NR2F2: variants seen among roughly 807,000 people sequenced by gnomAD.
NR2F2 encodes the protein nuclear receptor subfamily 2 group F member 2, also known as COUP transcription factor 2.
In NR2F2, 2 loss-of-function variants were observed where a neutral mutation model predicts 34.8. The ratio of observed to expected loss-of-function variants is 0.06; its 90% CI spans 0.02 to 0.18. NR2F2 has a LOEUF of 0.18. Ranked by LOEUF, NR2F2 falls within the 10% of genes least tolerant of loss-of-function variation. NR2F2 has a pLI of 1.00. For missense variants in NR2F2, 300 were observed against 580.1 expected, an observed-to-expected ratio of 0.52 and a Z score of 4.96; for synonymous variants, 274 against 251.8, an observed-to-expected ratio of 1.09 and a Z score of -0.84.
In NR2F2 at chr15:96,330,780, T is replaced by TGATTCTCTGTTC; in HGVS notation, c.-1325_-1314dup. 1 of 970,672 alleles carries TGATTCTCTGTTC rather than the reference T, an allele frequency of 1.0e-6. No individual in the cohort carries two copies. The highest frequency in any genetic ancestry group is 1.3e-6 in the Non-Finnish European group (1 of 783,842). The allele number at this position is 970,672 out of a possible 1,614,324, so 60.1% of individuals were successfully genotyped here. On this transcript the variant is annotated 5_prime_UTR_variant, in exon 1 of 3. Coordinates refer to ENST00000394166, the MANE Select transcript of NR2F2 (RefSeq NM_021005.4). ...CCCTTTTTAGCATATTTGATCACTT[T>TGATTCTCTGTTC]GATTCTCTGTTCTTTTCTCTCCGCG...
At chr15:96,329,169 C>T (rs1207937851), upstream of NR2F2, among the ~76,000 whole-genome samples, 1 of 151,792 alleles carries the variant, frequency 6.6e-6, no homozygotes, top group East Asian at 1.9e-4. Flanking sequence ...GTTGGTTTAC[C>T]GGCATGAGGT....
chr15:96,327,851 A>G (rs1252816378), upstream of NR2F2, among the ~76,000 whole-genome samples: 3 of 152,148 alleles, frequency 2.0e-5, no homozygotes, highest in Non-Finnish European at 4.4e-5. Context: ...TTTCTTTTTT[A>G]GATTAGGGCA....
In NR2F2 at chr15:96,332,221, C is replaced by A. The variant is rs1161001624; in HGVS notation, c.116C>A (p.Thr39Lys). 6.6e-7 allele frequency: 1 copy of A among 1,519,076 alleles called. No homozygotes were observed. The highest frequency in any genetic ancestry group is 2.0e-5 in the Admixed American group (1 of 49,450). The allele number at this position is 1,519,076 out of a possible 1,614,324, so 94.1% of individuals were successfully genotyped here. A position where few individuals can be genotyped will look rare whatever the true frequency, so the allele number is the denominator to read the frequency against. ...VPGPPPGAPH[T>K]PQTPGQGGPA... ...GGCCCGCCGCCCGGCGCCCCGCACA[C>A]GCCACAGACGCCCGGCCAAGGGGGC... Residue 39 changes from threonine (T) to lysine (K), a missense_variant, in exon 1 of 3, where the codon ACG (threonine) becomes AAG (lysine). By Grantham distance (78) the Thr-to-Lys change is moderately conservative. Transcript: ENST00000394166.
Position 96,334,591 on chromosome 15 carries a change from C to T in NR2F2, c.958C>T (p.Leu320=), listed in dbSNP as rs1596428579. 4.4e-6 allele frequency: 7 copies of T among 1,599,382 alleles called. No homozygotes were observed. The African/African-American group carries it at 5.4e-5, about 12-fold the overall frequency. The part of the protein sequence containing the change: ...AEYSCLKAIV[L]FTSDACGLSD... ...GTACAGCTGCCTCAAGGCCATAGTC[C>T]TGTTCACCTCAGGTAGGAAGGAGCC... is the stretch of plus-strand genomic sequence containing the variant. Residue 320 remains leucine (L), a synonymous_variant, in exon 2 of 3, where the codon CTG becomes TTG. Transcript: ENST00000394166.
upstream of NR2F2, among the ~76,000 whole-genome samples, chr15:96,330,493 T>C (rs1179135374): frequency 8.7e-6 from 1 of 114,528 alleles, no homozygotes; most frequent in East Asian, 2.9e-4. Context: ...GCGACGCCGC[T>C]CGCGCTAGGA....
upstream of NR2F2, among the ~76,000 whole-genome samples, chr15:96,328,013 C>T (rs1317204793): frequency 6.6e-6 from 1 of 152,198 alleles, no homozygotes; most frequent in African/African-American, 2.4e-5. Flanking sequence ...ACCTTAGACG[C>T]ACAGCAAGTG....
chr15:96,334,643 A>G (rs775491314), intron 2 of NR2F2, 40 bp downstream of exon 2: 30 of 1,543,872 alleles, frequency 1.9e-5, no homozygotes, highest in Non-Finnish European at 2.4e-5. Flanking sequence ...ACGGGCTCCT[A>G]GCCCAGAGCT....
rs962172505 is a variant in NR2F2, at chr15:96,332,022, G to A, written c.-84G>A. On this transcript the variant is annotated 5_prime_UTR_variant, in exon 1 of 3. Coordinates refer to ENST00000394166, the MANE Select transcript of NR2F2 (RefSeq NM_021005.4). ...CGCACACACAAAAGGCGGCGCGCCG[G>A]AGCCCGAGACCCGGGGAGCCGCCGC... is the stretch of plus-strand genomic sequence containing the variant. 3 of 1,230,606 alleles carry A rather than the reference G, an allele frequency of 2.4e-6. No homozygotes were observed. The highest frequency in any genetic ancestry group is 1.6e-5 in the African/African-American group (1 of 63,210). The allele number at this position is 1,230,606 out of a possible 1,614,324, so 76.2% of individuals were successfully genotyped here.
chr15:96,332,906 C>T (rs2141167406), intron 1 of NR2F2, among the ~76,000 whole-genome samples: 1 of 147,648 alleles, frequency 6.8e-6, no homozygotes, highest in East Asian at 2.0e-4. Flanking sequence ...CAACATGTCC[C>T]TCCCCCTCAC....
rs1474147673 is a variant in NR2F2, at chr15:96,337,377, G to C, written c.1000G>C (p.Val334Leu). The C allele has an allele frequency of 4.3e-6, 7 of 1,614,030 alleles. No homozygotes were observed. Among genetic ancestry groups the C allele is most frequent in the Non-Finnish European group, 5.9e-6 (7 of 1,180,012 alleles). Reference sequence around the variant, plus strand: ...CTGTGGTCTCTCTGATGTAGCCCATGTGGAAAGCTTGCAGGAAAAGTCTCA... The same window carrying C: ...CTGTGGTCTCTCTGATGTAGCCCATCTGGAAAGCTTGCAGGAAAAGTCTCA... ...DACGLSDVAH[V>L]ESLQEKSQCA... Residue 334 changes from valine to leucine, a missense_variant, in exon 3 of 3, where the codon GTG becomes CTG. Val to Leu is a conservative substitution (Grantham distance 32). This residue lies in a region of NR2F2 where 164 missense variants were observed against 365.3 expected (regional missense o/e 0.45). Coordinates refer to ENST00000394166, the MANE Select transcript of NR2F2 (RefSeq NM_021005.4).
upstream of NR2F2, among the ~76,000 whole-genome samples, chr15:96,330,400 T>TCGGCGGCGGCGG (rs560453342): frequency 2.0e-4 from 29 of 143,398 alleles, no homozygotes; most frequent in East Asian, 4.5e-4. Flanking sequence ...CATCCCCCTC[T>TCGGCGGCGGCGG]CGGCGGCGGC....
At chr15:96,327,154 G>A (rs1340854728), upstream of NR2F2, 1 of 149,964 alleles carries the variant, frequency 6.7e-6, no homozygotes, top group African/African-American at 2.5e-5. Flanking sequence ...AGGAGGGGGT[G>A]AGGGGGACGC....
At position 96,331,418 on chromosome 15, in the gene NR2F2, G is replaced by C. The variant is rs1899137589; in HGVS notation, c.-688G>C. ...CGCCGGCCTCCGCCCCGGCCTGCCT[G>C]GCTCCCTGGGCGCGCCCGCACCCGG... On this transcript the variant is annotated 5_prime_UTR_variant, in exon 1 of 3. Transcript: ENST00000394166. 8.1e-7 allele frequency: 1 copy of C among 1,231,020 alleles called. No individual in the cohort carries two copies. The highest frequency in any genetic ancestry group is 1.6e-5 in the African/African-American group (1 of 64,278). 76.3% of individuals were successfully genotyped at this position (1,231,020 alleles called of 1,614,324 possible). A position where few individuals can be genotyped will look rare whatever the true frequency, so the allele number is the denominator to read the frequency against.
chr15:96,337,222 C>G (rs557794818), intron 2 of NR2F2, 126 bp from the exon 3 acceptor site: 2 of 1,091,190 alleles, frequency 1.8e-6, no homozygotes, highest in Middle Eastern at 3.0e-4. Flanking sequence ...GGCAGTTTGA[C>G]AGAGCTCTGT....
chr15:96,326,679 A>T (rs1447961072), upstream of NR2F2, among the ~76,000 whole-genome samples: 1 of 152,224 alleles, frequency 6.6e-6, no homozygotes, highest in South Asian at 2.1e-4. The surrounding 1 kb of genome is among the most constrained non-coding windows in gnomAD (Gnocchi z 5.5). Context: ...CCTCAAACTC[A>T]TTTCCTTCCA....
upstream of NR2F2, among the ~76,000 whole-genome samples, chr15:96,329,985 CAT>C (rs1195545945): frequency 2.6e-5 from 4 of 151,948 alleles, no homozygotes; most frequent in Non-Finnish European, 5.9e-5. Context: ...GAATATATGT[CAT>C]ATATATATGT....
rs1329458920 is a variant in NR2F2 at position 96,334,089 on chromosome 15, C to T, written c.456C>T (p.Gly152=). 4 of 1,612,856 alleles carry T rather than the reference C, an allele frequency of 2.5e-6. No homozygotes were observed. The highest frequency in any genetic ancestry group is 3.4e-6 in the Non-Finnish European group (4 of 1,179,816). The change falls in exon 2 of 3, where the codon GGC becomes GGT. Residue 152 remains glycine, a synonymous_variant. Transcript: ENST00000394166. ...TCCTCCCCGCAGCGGTGCAGAGGGG[C>T]AGGATGCCGCCGACCCAGCCGACCC... is the stretch of plus-strand genomic sequence containing the variant. ...VGMRREAVQR[G]RMPPTQPTHG... is the part of the protein sequence containing the mutation.
At chr15:96,333,679 T>C in intron 1 of NR2F2, 1 of 1,102,580 alleles carries the variant, frequency 9.1e-7, no homozygotes, top group South Asian at 3.7e-5. Context: ...CGCCTCACCC[T>C]CCCCCCAGAC....
chr15:96,333,987 G>A lies in NR2F2; in HGVS notation c.443-89G>A, dbSNP rs1026974593. ...TTGCGCTGCTCAGGGCCTGGGTCAG[G>A]TGGGGGTCGGGCTGGGGCAGACCCC... On this transcript the variant is annotated intron_variant, in intron 1 of 2. Transcript: ENST00000394166. 3.2e-6 allele frequency: 5 copies of A among 1,543,984 alleles called. No individual in the cohort carries two copies. The African/African-American group carries it at 5.4e-5, about 17-fold the overall frequency.
Sources: allele counts gnomAD v4.1 joint callset (sites outside exome capture counted in the v4.1 genomes callset), GRCh38; gene constraint gnomAD v4.1.1; regional missense constraint gnomAD v4.1.1; non-coding constraint Gnocchi (gnomAD v3.1); transcripts MANE v1.5; gene names NCBI Gene and HGNC (gene_info 2026-07-23, HGNC 2026-07-21).